The following SCN3A variants were observed in gnomAD, a reference collection of about 807,000 sequenced individuals.
The protein encoded by SCN3A is sodium channel protein type 3 subunit alpha.
A neutral mutation model predicts 187.6 loss-of-function variants in SCN3A; 60 were observed. That is an observed-to-expected ratio of 0.32 (90% CI 0.26 to 0.40). The LOEUF is 0.40. Among genes scored for constraint, SCN3A ranks in the 10% least tolerant of loss-of-function variants. SCN3A has a pLI of 1.00. For missense variants in SCN3A, 1,601 were observed against 2,428.2 expected, an observed-to-expected ratio of 0.66 and a Z score of 7.16; for synonymous variants, 788 against 829.2, an observed-to-expected ratio of 0.95 and a Z score of 0.85.
In SCN3A at chr2:165,112,889, A is replaced by G; in HGVS notation, c.3839T>C (p.Val1280Ala). The change falls in exon 21 of 28, where the codon GTT becomes GCT. Residue 1280 changes from valine to alanine, a missense_variant. By Grantham distance (64) the Val-to-Ala change is moderately conservative (BLOSUM62 0). This residue lies in a region of SCN3A where 320 missense variants were observed against 623.2 expected (regional missense o/e 0.51). Coordinates refer to ENST00000283254, the MANE Select transcript of SCN3A (RefSeq NM_006922.4). ...NAWCWLDFLIVDVSLVSLVAN... is the reference protein window; with the variant it reads ...NAWCWLDFLIADVSLVSLVAN... ...AAAATCACTTAAAATACTTACATCA[A>G]CGATCAAGAAATCTAGCCAGCACCA... 1 of 1,613,052 alleles carries G rather than the reference A, an allele frequency of 6.2e-7. No homozygotes were observed. Among genetic ancestry groups the G allele is most frequent in the Non-Finnish European group, 8.5e-7 (1 of 1,179,514 alleles).
intron 11 of SCN3A, among the ~76,000 whole-genome samples, chr2:165,148,714 T>C (rs1393722783): frequency 1.3e-5 from 2 of 151,992 alleles, no homozygotes; most frequent in African/African-American, 4.8e-5. Flanking sequence ...TATAAGACAA[T>C]ACCCAGCATT....
At chr2:165,132,085 A>T (rs1687363436) in intron 15 of SCN3A, among the ~76,000 whole-genome samples, 1 of 152,112 alleles carries the variant, frequency 6.6e-6, no homozygotes, top group Admixed American at 6.5e-5. Context: ...GACGTGAAGG[A>T]CCTCTTCAAG....
At chr2:165,115,374 T>A (rs1686316775) in intron 19 of SCN3A, 81 bp downstream of exon 19, 9 of 1,093,134 alleles carry the variant, frequency 8.2e-6, no homozygotes, top group Middle Eastern at 2.3e-4. Context: ...GTTTCATAAA[T>A]TTTTTTTTTT....
intron 1 of SCN3A, among the ~76,000 whole-genome samples, chr2:165,194,441 A>G (rs951330237): frequency 3.6e-4 from 55 of 152,112 alleles, no homozygotes; most frequent in Admixed American, 3.3e-3. Context: ...CCTTATATAA[A>G]TCATGTTCCT....
intron 18 of SCN3A, among the ~76,000 whole-genome samples, chr2:165,121,933 T>A (rs1686700001): frequency 6.6e-6 from 1 of 152,204 alleles, no homozygotes; most frequent in South Asian, 2.1e-4. Context: ...CTTTTTTGCC[T>A]GGTCAGTTTT....
rs1411655369 is a variant in SCN3A, at chr2:165,089,433, A to T, written c.*717T>A. 1 of 152,638 alleles carries T rather than the reference A, an allele frequency of 6.6e-6. No individual in the cohort carries two copies. The highest frequency in any genetic ancestry group is 1.5e-5 in the Non-Finnish European group (1 of 68,026). 9.5% of individuals were successfully genotyped at this position (152,638 alleles called of 1,614,324 possible). A position where few individuals can be genotyped will look rare whatever the true frequency, so the allele number is the denominator to read the frequency against. ...ATATAGAGCTCTGAAACTTAGAATA[A>T]AATTTGCACTTGCTGAAACAGAATA... On this transcript the variant is annotated 3_prime_UTR_variant, in exon 28 of 28. Transcript: ENST00000283254.
chr2:165,178,295 C>A (rs1232804891), intron 2 of SCN3A, among the ~76,000 whole-genome samples: 1 of 152,070 alleles, frequency 6.6e-6, no homozygotes, highest in Non-Finnish European at 1.5e-5. Flanking sequence ...GGCACAATCA[C>A]GGCTCACTGC....
chr2:165,095,741 T>C (rs1361752134), intron 24 of SCN3A, 93 bp from the exon 25 acceptor site: 8 of 716,102 alleles, frequency 1.1e-5, no homozygotes, highest in Non-Finnish European at 1.8e-5. Flanking sequence ...CTTAATACAG[T>C]GCTACTTTTG....
At chr2:165,157,220 T>C (rs12464762) in intron 9 of SCN3A, among the ~76,000 whole-genome samples, 34,471 of 152,016 alleles carry the variant, frequency 0.23, 5,115 homozygotes, top group East Asian at 0.52. Context: ...CTCAGTTTTT[T>C]TCTTAATGTC....
chr2:165,170,640 T>C (rs969122659), intron 3 of SCN3A, 92 bp from the exon 4 acceptor site: 4 of 805,462 alleles, frequency 5.0e-6, no homozygotes, highest in Non-Finnish European at 8.6e-6. Flanking sequence ...AAAATAGAAT[T>C]TGTTTGTTCA....
At chr2:165,184,170 C>T (rs1400882313) in intron 2 of SCN3A, among the ~76,000 whole-genome samples, 1 of 152,082 alleles carries the variant, frequency 6.6e-6, no homozygotes, top group East Asian at 1.9e-4. Context: ...ACATAGAGCA[C>T]TCAGCACATT....
At chr2:165,156,050 C>A (rs1455465382) in intron 9 of SCN3A, 147 bp from the exon 10 acceptor site, 5 of 871,582 alleles carry the variant, frequency 5.7e-6, no homozygotes, top group Non-Finnish European at 7.3e-6. Flanking sequence ...GGTGATTGCC[C>A]ACCGTGAAAC....
At chr2:165,179,260 G>T (rs1226239427) in intron 2 of SCN3A, among the ~76,000 whole-genome samples, 1 of 152,182 alleles carries the variant, frequency 6.6e-6, no homozygotes. Flanking sequence ...TGCTGCTAAT[G>T]GTATGCCTGT....
chr2:165,125,556 A>T (rs1010019432), intron 18 of SCN3A, among the ~76,000 whole-genome samples: 2 of 152,098 alleles, frequency 1.3e-5, no homozygotes, highest in Admixed American at 6.5e-5. Context: ...TGACCTCGTG[A>T]TCCACTCGCC....
chr2:165,141,372 C>T (rs2105814078), intron 12 of SCN3A, among the ~76,000 whole-genome samples: 1 of 152,244 alleles, frequency 6.6e-6, no homozygotes, highest in South Asian at 2.1e-4. Flanking sequence ...GCTTCTACTT[C>T]TTAATGCTAT....
intron 1 of SCN3A, among the ~76,000 whole-genome samples, chr2:165,194,207 T>C (rs1342534429): frequency 6.6e-6 from 1 of 152,156 alleles, no homozygotes; most frequent in Non-Finnish European, 1.5e-5. Context: ...TGTGATATAT[T>C]GAACACATGA....
In SCN3A at chr2:165,088,981, C is replaced by G. The variant is rs1034800337; in HGVS notation, c.*1169G>C. ...ATGGACAGAGCAGGTTGAATTCATT[C>G]TATCACCAATATGTGACATTCTTTA... On this transcript the variant is annotated 3_prime_UTR_variant, in exon 28 of 28. Transcript: ENST00000283254. 1 of 152,492 alleles carries G rather than the reference C, an allele frequency of 6.6e-6. No homozygotes were observed. Among genetic ancestry groups the G allele is most frequent in the African/African-American group, 2.4e-5 (1 of 41,432 alleles). The allele number at this position is 152,492 out of a possible 1,614,324, so 9.4% of individuals were successfully genotyped here.
intron 1 of SCN3A, among the ~76,000 whole-genome samples, chr2:165,202,473 C>T (rs1692381197): frequency 6.6e-6 from 1 of 151,924 alleles, no homozygotes; most frequent in South Asian, 2.1e-4. Flanking sequence ...TTCTGGGAAC[C>T]CTGTCCAAAG....
intron 15 of SCN3A, among the ~76,000 whole-genome samples, chr2:165,137,038 A>G (rs1687708909): frequency 6.6e-6 from 1 of 152,102 alleles, no homozygotes; most frequent in African/African-American, 2.4e-5. Context: ...TCAAAAGGAG[A>G]TTCATGCTTT....
Sources: gnomAD v4.1 joint callset for allele counts (sites outside exome capture counted in the v4.1 genomes callset) on GRCh38, gnomAD v4.1.1 for gene constraint, gnomAD v4.1.1 regional missense constraint, MANE v1.5 for transcripts, NCBI Gene and HGNC (gene_info 2026-07-23, HGNC 2026-07-21) for gene names.